COL1A2: variants seen among roughly 807,000 people sequenced by gnomAD.
COL1A2 encodes collagen type I alpha 2 chain, also known as collagen alpha-2(I) chain.
Under a neutral mutation model 174.3 loss-of-function variants are expected in COL1A2, and 49 were observed. That is an observed-to-expected ratio of 0.28 (90% CI 0.22 to 0.36). The LOEUF (loss-of-function observed/expected upper bound fraction) is 0.36, where lower values mean the gene tolerates loss of function less well. Among genes scored for constraint, COL1A2 ranks in the 10% least tolerant of loss-of-function variants. The probability of loss-of-function intolerance (pLI) is 1.00; values close to 1 mark genes in which losing one functional copy is unlikely to be tolerated. For missense variants in COL1A2, 1,438 were observed against 1,822.7 expected (o/e 0.79, Z 3.84); for synonymous variants, 655 against 606.6 (o/e 1.08, Z -1.17).
Position 94,429,415 on chromosome 7 carries a change from T to G in COL1A2, c.3939T>G (p.Leu1313=), listed in dbSNP as rs1168436454. 1 of 1,614,048 alleles carries G rather than the reference T, an allele frequency of 6.2e-7. No homozygotes were observed. Among genetic ancestry groups the G allele is most frequent in the Non-Finnish European group, 8.5e-7 (1 of 1,179,980 alleles). The change falls in exon 51 of 52, where the codon CTT becomes CTG. Residue 1313 remains leucine (L), a synonymous_variant. Transcript: ENST00000297268. ...EGNSRFTYTV[L]VDGCSKKTNE... ...ACAGCAGGTTCACTTACACTGTTCT[T>G]GTAGATGGCTGCTCTGTAAGTAATA...
chr7:94,417,740 T>C lies in COL1A2; in HGVS notation c.1880T>C (p.Val627Ala), dbSNP rs760732696. ...PDGNKGEPGV[V>A]GAVGTAGPSG... is the part of the protein sequence containing the mutation. ...TGACTCAAGGGTGAACCTGGTGTGG[T>C]TGGTGCTGTGGGCACTGCTGGTCCA... is the stretch of plus-strand genomic sequence containing the variant. Residue 627 changes from valine (V) to alanine (A), a missense_variant, in exon 32 of 52, where the codon GTT (valine) becomes GCT (alanine). By Grantham distance (64) the Val-to-Ala change is moderately conservative (BLOSUM62 0). Around this residue, in one of 3 missense-constraint regions of COL1A2, gnomAD observed 867 missense variants for 1,213.7 expected, o/e 0.71. Coordinates refer to ENST00000297268, the MANE Select transcript of COL1A2 (RefSeq NM_000089.4). The C allele has an allele frequency of 2.0e-5, 32 of 1,596,262 alleles. No homozygotes were observed. Among genetic ancestry groups the C allele is most frequent in the African/African-American group, 2.7e-5 (2 of 74,694 alleles).
rs1387151592 is a variant in COL1A2, at chr7:94,408,783, C to A, written c.752C>A (p.Ser251Tyr). The A allele has an allele frequency of 6.2e-7, 1 of 1,613,572 alleles. No homozygotes were observed. The highest frequency in any genetic ancestry group is 8.5e-7 in the Non-Finnish European group (1 of 1,179,876). ...GPVGPAGPIGSAGPPGFPGAP... is the reference protein window; with the variant it reads ...GPVGPAGPIGYAGPPGFPGAP... ...CTTTGATTTCAGGGTCCCATTGGGT[C>A]TGCTGGCCCTCCAGGCTTCCCAGGT... is the stretch of plus-strand genomic sequence containing the variant. The change falls in exon 16 of 52, where the codon TCT becomes TAT. Residue 251 changes from serine (S) to tyrosine (Y), a missense_variant. Around this residue, in one of 3 missense-constraint regions of COL1A2, gnomAD observed 867 missense variants for 1,213.7 expected, o/e 0.71. Coordinates refer to ENST00000297268, the MANE Select transcript of COL1A2 (RefSeq NM_000089.4).
intron 25 of COL1A2, 82 bp downstream of exon 25, chr7:94,412,764 T>G: frequency 2.5e-6 from 3 of 1,191,226 alleles, no homozygotes; most frequent in Non-Finnish European, 2.5e-6. Context: ...CTCCTGCGAA[T>G]CAGTCCAGTC....
chr7:94,395,334 AC>A, intron 1 of COL1A2: 1 of 609,348 alleles, frequency 1.6e-6, no homozygotes, highest in Non-Finnish European at 3.0e-6. Context: ...TCAGAGTGAG[AC>A]AGTTAACTCG....
chr7:94,412,466 T>C (rs1791948618), intron 24 of COL1A2, 118 bp from the exon 25 acceptor site: 9 of 793,544 alleles, frequency 1.1e-5, no homozygotes, highest in Non-Finnish European at 1.9e-5. Flanking sequence ...ATTAACGCTT[T>C]ATACAAGAAG....
intron 45 of COL1A2, 109 bp from the exon 46 acceptor site, chr7:94,426,314 A>G: frequency 1.9e-6 from 2 of 1,068,400 alleles, no homozygotes; most frequent in Non-Finnish European, 2.8e-6. Flanking sequence ...TAGCTAAACC[A>G]TTACATGTCC....
At chr7:94,397,307 G>A (rs2115850135) in intron 1 of COL1A2, among the ~76,000 whole-genome samples, 1 of 152,052 alleles carries the variant, frequency 6.6e-6, no homozygotes, top group Admixed American at 6.5e-5. Context: ...GAATTTTAAG[G>A]TAACATACTT....
intron 1 of COL1A2, 33 bp from the exon 2 acceptor site, chr7:94,397,715 T>C (rs1791610557): frequency 1.7e-6 from 2 of 1,201,808 alleles, no homozygotes; most frequent in East Asian, 4.7e-5. Context: ...ATACTAATAA[T>C]TGTTTCCTAC....
At chr7:94,396,054 C>CT (rs1791576632) in intron 1 of COL1A2, among the ~76,000 whole-genome samples, 1 of 152,078 alleles carries the variant, frequency 6.6e-6, no homozygotes, top group Non-Finnish European at 1.5e-5. Flanking sequence ...GTCAAACGGC[C>CT]TTTTCTAAAA....
chr7:94,403,124 G>C (rs1048535633), intron 6 of COL1A2, among the ~76,000 whole-genome samples: 5 of 152,118 alleles, frequency 3.3e-5, no homozygotes, highest in African/African-American at 1.2e-4. Context: ...GGAAAGTAAA[G>C]AGCTACTAAA....
Position 94,409,740 on chromosome 7 carries a change from T to C in COL1A2, c.954T>C (p.Ala318=). Residue 318 remains alanine, a synonymous_variant, in exon 19 of 52, where the codon GCT becomes GCC. Transcript: ENST00000297268. Reference sequence around the variant, plus strand: ...CTTCACAGGGCCTTCCCGGCGTTGCTGGGGCTCCCGGCCTCCCTGGACCCC... The same window carrying C: ...CTTCACAGGGCCTTCCCGGCGTTGCCGGGGCTCCCGGCCTCCCTGGACCCC... The part of the protein sequence containing the change: ...AKGAAGLPGV[A]GAPGLPGPRG... The C allele has an allele frequency of 6.2e-7, 1 of 1,614,170 alleles. No individual in the cohort carries two copies. Among genetic ancestry groups the C allele is most frequent in the Non-Finnish European group, 8.5e-7 (1 of 1,180,014 alleles).
At chr7:94,409,657 T>C (rs1181975652) in intron 18 of COL1A2, 49 bp downstream of exon 18, 1 of 1,613,698 alleles carries the variant, frequency 6.2e-7, no homozygotes, top group East Asian at 2.2e-5. Context: ...TTTAAAGGCA[T>C]TTAATGTGTG....
chr7:94,424,298 G>C, intron 40 of COL1A2, 38 bp from the exon 41 acceptor site: 1 of 1,557,930 alleles, frequency 6.4e-7, no homozygotes, highest in Non-Finnish European at 8.9e-7. Context: ...ATCACCTAGG[G>C]TCTTACCCAT....
chr7:94,413,498 A>G (rs1192667999), intron 26 of COL1A2, among the ~76,000 whole-genome samples, 192 bp from the exon 27 acceptor site: 1 of 152,188 alleles, frequency 6.6e-6, no homozygotes, highest in Non-Finnish European at 1.5e-5. Context: ...ATATATACCT[A>G]CTATGTACCC....
At chr7:94,397,486 G>A (rs1041659681) in intron 1 of COL1A2, among the ~76,000 whole-genome samples, 2 of 151,830 alleles carry the variant, frequency 1.3e-5, no homozygotes, top group African/African-American at 4.8e-5. Context: ...TTTCACAACA[G>A]TTATAAAATA....
Position 94,408,380 on chromosome 7 carries a change from T to A in COL1A2, c.738T>A (p.Ala246=). ...SDGSVGPVGP[A]GPIGSAGPPG... ...GAAGTGTGGGTCCCGTGGGTCCTGCTGTAAGTTTTGACACTGGGGAGTTTG... is the reference window on the plus strand; with the variant it reads ...GAAGTGTGGGTCCCGTGGGTCCTGCAGTAAGTTTTGACACTGGGGAGTTTG... The change falls in exon 15 of 52, where the codon GCT becomes GCA. Residue 246 remains alanine (A), a splice_region_variant and synonymous_variant. Coordinates refer to ENST00000297268, the MANE Select transcript of COL1A2 (RefSeq NM_000089.4). 1.9e-6 allele frequency: 3 copies of A among 1,614,190 alleles called. No homozygotes were observed. Among genetic ancestry groups the A allele is most frequent in the Non-Finnish European group, 2.5e-6 (3 of 1,180,026 alleles).
Position 94,414,326 on chromosome 7 carries a change from C to G in COL1A2, c.1719+51C>G, listed in dbSNP as rs141913515. 56 of 1,525,904 alleles carry G rather than the reference C, an allele frequency of 3.7e-5. No individual in the cohort carries two copies. In the East Asian group the frequency reaches 1.2e-3, roughly 34 times the overall value. 94.5% of individuals were successfully genotyped at this position (1,525,904 alleles called of 1,614,324 possible). A position where few individuals can be genotyped will look rare whatever the true frequency, so the allele number is the denominator to read the frequency against. ...AGTAACTACTAAACTTGAGAATTTCCCCCTGTTTAATACCCCACTGCTATG... is the reference window on the plus strand; with the variant it reads ...AGTAACTACTAAACTTGAGAATTTCGCCCTGTTTAATACCCCACTGCTATG... On this transcript the variant is annotated intron_variant, in intron 29 of 51. Transcript: ENST00000297268.
intron 19 of COL1A2, 121 bp from the exon 20 acceptor site, chr7:94,410,121 A>C: frequency 1.0e-6 from 1 of 977,808 alleles, no homozygotes; most frequent in Non-Finnish European, 1.6e-6. Context: ...TGAACAGGGT[A>C]CATTTCCTAG....
At position 94,412,128 on chromosome 7, in the gene COL1A2, A is replaced by G. The variant is rs1187434420; in HGVS notation, c.1404+7A>G. The G allele has an allele frequency of 6.2e-7, 1 of 1,611,330 alleles. No individual in the cohort carries two copies. The highest frequency in any genetic ancestry group is 2.2e-5 in the East Asian group (1 of 44,868). The stretch of plus-strand genomic sequence containing the variant: ...TGGAAAAGAAGGTCCTGTCGTAAGT[A>G]TTGCTCATTTTCCATTATATTTTCA... On this transcript the variant is annotated splice_region_variant and intron_variant, in intron 24 of 51. Coordinates refer to ENST00000297268, the MANE Select transcript of COL1A2 (RefSeq NM_000089.4).
Sources: allele counts gnomAD v4.1 joint callset (sites outside exome capture counted in the v4.1 genomes callset), GRCh38; gene constraint gnomAD v4.1.1; regional missense constraint gnomAD v4.1.1; transcripts MANE v1.5; gene names NCBI Gene and HGNC (gene_info 2026-07-23, HGNC 2026-07-21).